HERC1: variants seen among roughly 807,000 people sequenced by gnomAD.
The protein encoded by HERC1 is probable E3 ubiquitin-protein ligase HERC1.
A neutral mutation model predicts 554.3 loss-of-function variants in HERC1; 160 were observed. The ratio of observed to expected loss-of-function variants is 0.29; its 90% CI spans 0.25 to 0.33. The LOEUF is 0.33. Among genes scored for constraint, HERC1 ranks in the 10% least tolerant of loss-of-function variants. The pLI is 1.00. For synonymous variants in HERC1, 2,175 were observed against 2,131.7 expected (o/e 1.02, Z -0.56); for missense variants, 4,919 against 5,918.5 (o/e 0.83, Z 5.54).
intron 37 of HERC1, among the ~76,000 whole-genome samples, chr15:63,675,559 T>G (rs1488120610): frequency 1.3e-5 from 2 of 152,208 alleles, no homozygotes; most frequent in Non-Finnish European, 2.9e-5. Context: ...TGTAGTTTGA[T>G]GTAAGCTATT....
intron 8 of HERC1, among the ~76,000 whole-genome samples, chr15:63,750,065 C>A (rs2075183630): frequency 6.6e-6 from 1 of 152,228 alleles, no homozygotes; most frequent in African/African-American, 2.4e-5. Context: ...TGCTAAACCA[C>A]TAATCGGCTT....
intron 70 of HERC1, among the ~76,000 whole-genome samples, 186 bp from the exon 71 acceptor site, chr15:63,626,340 CA>C (rs1314494720): frequency 3.3e-5 from 5 of 152,208 alleles, no homozygotes; most frequent in Middle Eastern, 3.4e-3. Context: ...ATGTCTTTAT[CA>C]GGGGGCGGAG....
At chr15:63,621,604 C>T (rs1382899743) in intron 74 of HERC1, among the ~76,000 whole-genome samples, 3 of 147,170 alleles carry the variant, frequency 2.0e-5, no homozygotes, top group Non-Finnish European at 4.6e-5. Flanking sequence ...AACTTGGTTC[C>T]ATTCTCCCAC....
chr15:63,677,742 C>T lies in HERC1; in HGVS notation c.7070+103G>A, dbSNP rs2071280315. The T allele has an allele frequency of 2.7e-6, 4 of 1,493,438 alleles. No individual in the cohort carries two copies. Among genetic ancestry groups the T allele is most frequent in the Admixed American group, 2.3e-5 (1 of 43,334 alleles). 92.5% of individuals were successfully genotyped at this position (1,493,438 alleles called of 1,614,324 possible). ...CATGAGAAATATTTTTAAAAGTTAA[C>T]TGGCAGCTCACCTAAAATACATAAT... is the stretch of plus-strand genomic sequence containing the variant. On this transcript the variant is annotated intron_variant, in intron 37 of 77. Coordinates refer to ENST00000443617, the MANE Select transcript of HERC1 (RefSeq NM_003922.4). This position sits in a 1 kb window ranked among gnomAD's most constrained non-coding sequence, Gnocchi z 4.4.
intron 3 of HERC1, among the ~76,000 whole-genome samples, chr15:63,763,361 A>C (rs181214508): frequency 6.6e-6 from 1 of 152,358 alleles, no homozygotes; most frequent in East Asian, 1.9e-4. Flanking sequence ...TACAGACATA[A>C]CACCTGAGAC....
rs2071263101 is a variant in HERC1, at chr15:63,677,350, G to T, written c.7070+495C>A. Among the ~76,000 whole-genome samples the T allele has an allele frequency of 6.6e-6, 1 of 152,106 alleles. No individual in the cohort carries two copies. The highest frequency in any genetic ancestry group is 2.4e-5 in the African/African-American group (1 of 41,398). On this transcript the variant is annotated intron_variant, in intron 37 of 77. Coordinates refer to ENST00000443617, the MANE Select transcript of HERC1 (RefSeq NM_003922.4). This position sits in a 1 kb window ranked among gnomAD's most constrained non-coding sequence, Gnocchi z 4.4. ...TCTAATCAAAATGTTTACATTGAGG[G>T]GATAGAAATATGTGGTTTTATAAAA... is the stretch of plus-strand genomic sequence containing the variant.
intron 1 of HERC1, among the ~76,000 whole-genome samples, chr15:63,815,194 G>C: frequency 6.6e-6 from 1 of 152,112 alleles, no homozygotes; most frequent in Non-Finnish European, 1.5e-5. Flanking sequence ...TTGTCTAAAA[G>C]TTAAATATGT....
At chr15:63,751,021 A>G (rs2075223636) in intron 8 of HERC1, among the ~76,000 whole-genome samples, 1 of 152,228 alleles carries the variant, frequency 6.6e-6, no homozygotes, top group South Asian at 2.1e-4. Flanking sequence ...ATTCCAGTAC[A>G]TAAGGCATAT....
At chr15:63,762,759 G>A (rs2075652267) in intron 3 of HERC1, among the ~76,000 whole-genome samples, 1 of 152,160 alleles carries the variant, frequency 6.6e-6, no homozygotes, top group Non-Finnish European at 1.5e-5. Flanking sequence ...CATATAAACT[G>A]TAGCAGAGTA....
At chr15:63,793,057 T>G (rs149436663) in intron 1 of HERC1, among the ~76,000 whole-genome samples, 17 of 152,312 alleles carry the variant, frequency 1.1e-4, no homozygotes, top group Admixed American at 7.8e-4. Context: ...ATGAAGAGGA[T>G]AGGGCAGGAT....
chr15:63,676,077 T>C (rs944829256), intron 37 of HERC1, among the ~76,000 whole-genome samples: 4 of 152,066 alleles, frequency 2.6e-5, no homozygotes, highest in African/African-American at 9.7e-5. Flanking sequence ...CTTTTTTGTA[T>C]TTTTAGTAGA....
intron 34 of HERC1, among the ~76,000 whole-genome samples, chr15:63,684,093 G>T (rs926430034): frequency 2.0e-5 from 3 of 152,274 alleles, no homozygotes; most frequent in African/African-American, 7.2e-5. Flanking sequence ...TTTCTTGCAG[G>T]TATCCACGAA....
intron 65 of HERC1, 61 bp from the exon 66 acceptor site, chr15:63,634,949 C>T: frequency 7.5e-7 from 1 of 1,325,444 alleles, no homozygotes. Context: ...AAAAGTAAAT[C>T]TGCCATTTTT....
intron 19 of HERC1, among the ~76,000 whole-genome samples, chr15:63,719,568 A>G (rs543915528): frequency 2.0e-4 from 31 of 152,362 alleles, no homozygotes; most frequent in Non-Finnish European, 4.1e-4. Context: ...TTGAAAGCTC[A>G]CTCTGCTGAG....
Position 63,645,088 on chromosome 15 carries a change from C to G in HERC1, c.11088G>C (p.Gln3696His), listed in dbSNP as rs564994471. 1.2e-6 allele frequency: 2 copies of G among 1,613,554 alleles called. No individual in the cohort carries two copies. Among genetic ancestry groups the G allele is most frequent in the South Asian group, 1.1e-5 (1 of 91,062 alleles). ...KLQLLMATGC[Q>H]SGLVCVWRIP... ...TGCGCCAAACACATACTAAGCCACT[C>G]TGACAGCCACTTAAAAAAATTGATC... is the stretch of plus-strand genomic sequence containing the variant. Residue 3696 changes from glutamine (Q) to histidine (H), a missense_variant, in exon 57 of 78, where the codon CAG (glutamine) becomes CAC (histidine). Physicochemically the swap from Gln to His is conservative, Grantham distance 24. Coordinates refer to ENST00000443617, the MANE Select transcript of HERC1 (RefSeq NM_003922.4).
At chr15:63,697,440 G>A (rs890289273) in intron 26 of HERC1, among the ~76,000 whole-genome samples, 2 of 143,614 alleles carry the variant, frequency 1.4e-5, no homozygotes, top group African/African-American at 5.2e-5. Flanking sequence ...TACAGGTGAT[G>A]TTAATCTTGA....
intron 2 of HERC1, among the ~76,000 whole-genome samples, chr15:63,769,337 T>C (rs1280315877): frequency 1.3e-5 from 2 of 152,022 alleles, no homozygotes; most frequent in Non-Finnish European, 2.9e-5. Context: ...GGAGAACTGC[T>C]TGAACCTGGG....
rs374244666 is a variant in HERC1 at position 63,637,595 on chromosome 15, C to T, written c.12142G>A (p.Val4048Met). The T allele has an allele frequency of 2.6e-6, 4 of 1,554,346 alleles. No homozygotes were observed. In the African/African-American group the frequency reaches 5.5e-5, roughly 21 times the overall value. The change falls in exon 64 of 78, where the codon GTG becomes ATG. Residue 4048 changes from valine to methionine, a missense_variant. This residue lies in a region of HERC1 where 122 missense variants were observed against 195.2 expected (regional missense o/e 0.63). Coordinates refer to ENST00000443617, the MANE Select transcript of HERC1 (RefSeq NM_003922.4). ...TAACTTCCTTCCCCACAAGCCAACACTGTGCCATTGGCCTGGATGACAAAG... is the reference window on the plus strand; with the variant it reads ...TAACTTCCTTCCCCACAAGCCAACATTGTGCCATTGGCCTGGATGACAAAG... ...CTFVIQANGT[V>M]LACGEGSYGR... is the part of the protein sequence containing the mutation.
rs1567114395 is a variant in HERC1, at chr15:63,775,547, T to C, written c.77A>G (p.Glu26Gly). The C allele has an allele frequency of 2.5e-6, 4 of 1,613,788 alleles. No homozygotes were observed. Among genetic ancestry groups the C allele is most frequent in the Non-Finnish European group, 3.4e-6 (4 of 1,179,814 alleles). ...LNSSWITEDS[E>G]SIATREGVAV... is the part of the protein sequence containing the mutation. ...AACTCCCTCTCTTGTAGCAATAGAT[T>C]CACTGTCCTCTGTAATCCAGGAGCT... The change falls in exon 2 of 78, where the codon GAA (glutamate) becomes GGA (glycine). Residue 26 changes from glutamate (E) to glycine (G), a missense_variant. Physicochemically the swap from Glu to Gly is moderately conservative, Grantham distance 98. Coordinates refer to ENST00000443617, the MANE Select transcript of HERC1 (RefSeq NM_003922.4). The surrounding 1 kb of genome is among the most constrained non-coding windows in gnomAD (Gnocchi z 4.0).
Sources: allele counts gnomAD v4.1 joint callset (sites outside exome capture counted in the v4.1 genomes callset), GRCh38; gene constraint gnomAD v4.1.1; regional missense constraint gnomAD v4.1.1; non-coding constraint Gnocchi (gnomAD v3.1); transcripts MANE v1.5; gene names NCBI Gene and HGNC (gene_info 2026-07-23, HGNC 2026-07-21).